PCDHA9: variants seen among roughly 807,000 people sequenced by gnomAD.
The protein encoded by PCDHA9 is protocadherin alpha 9.
PCDHA9 carries 62 observed loss-of-function variants against 62.0 expected under a neutral mutation model. The ratio of observed to expected loss-of-function variants is 1.00; its 90% CI spans 0.81 to 1.23. The LOEUF (loss-of-function observed/expected upper bound fraction) is 1.23, where lower values mean the gene tolerates loss of function less well. Among genes scored for constraint, PCDHA9 ranks in the 50% most tolerant of loss-of-function variants. The probability of loss-of-function intolerance (pLI) is 0.00; values close to 1 mark genes in which losing one functional copy is unlikely to be tolerated. For missense variants in PCDHA9, 1,205 were observed against 1,249.8 expected, an observed-to-expected ratio of 0.96 and a Z score of 0.54; for synonymous variants, 557 against 567.6, an observed-to-expected ratio of 0.98 and a Z score of 0.27.
At chr5:140,892,896 C>T (rs1489868294) in intron 1 of PCDHA9, among the ~76,000 whole-genome samples, 1 of 152,112 alleles carries the variant, frequency 6.6e-6, no homozygotes, top group Non-Finnish European at 1.5e-5. Flanking sequence ...CCAACCTTTC[C>T]CCATCCTCCT....
At chr5:140,968,190 C>A (rs782155295) in intron 1 of PCDHA9, 2 of 1,613,954 alleles carry the variant, frequency 1.2e-6, no homozygotes, top group African/African-American at 2.7e-5. Flanking sequence ...GACTCCTATT[C>A]CATCTACATA....
intron 1 of PCDHA9, chr5:140,883,793 T>C (rs782783912): frequency 6.2e-7 from 1 of 1,612,328 alleles, no homozygotes; most frequent in South Asian, 1.1e-5. Flanking sequence ...GAGCTACGTG[T>C]CGGTGCACGC....
chr5:140,928,372 G>T (rs782494631), intron 1 of PCDHA9: 5 of 1,614,136 alleles, frequency 3.1e-6, no homozygotes, highest in Non-Finnish European at 4.2e-6. Flanking sequence ...AGGGCCATCA[G>T]CCTCTAGCTT....
intron 1 of PCDHA9, among the ~76,000 whole-genome samples, chr5:140,922,043 C>T (rs1305034895): frequency 6.6e-6 from 1 of 152,068 alleles, no homozygotes; most frequent in East Asian, 1.9e-4. Flanking sequence ...AATTTTCCCA[C>T]ATACCTTCAA....
intron 1 of PCDHA9, chr5:140,875,985 G>C (rs1351463699): frequency 1.8e-5 from 29 of 1,613,832 alleles, no homozygotes; most frequent in Non-Finnish European, 2.3e-5. Context: ...TGACCTATGC[G>C]TTAAGTCTAA....
Position 140,848,523 on chromosome 5 carries a change from G to T in PCDHA9, c.28G>T (p.Glu10Ter), listed in dbSNP as rs1314273290. 2.8e-5 allele frequency: 45 copies of T among 1,593,246 alleles called. 8 individuals are homozygous for T. The highest frequency in any genetic ancestry group is 3.6e-5 in the Non-Finnish European group (42 of 1,164,214). MLYSSRGDP[E>*]GQPLLLSLLI... Reference sequence around the variant, plus strand: ...GTTATACTCAAGTCGAGGAGATCCAGAGGGTCAGCCTCTACTGCTCTCGCT... The same window carrying T: ...GTTATACTCAAGTCGAGGAGATCCATAGGGTCAGCCTCTACTGCTCTCGCT... Residue 10 changes from glutamate (E) to a stop codon, truncating the protein, a stop_gained, in exon 1 of 4, where the codon GAG becomes TAG. Transcript: ENST00000532602. LOFTEE classifies it high-confidence loss of function.
chr5:140,850,803 A>T lies in PCDHA9; in HGVS notation c.2308A>T (p.Met770Leu). The part of the protein sequence containing the change: ...SGEGKQKTDL[M>L]AFSPGLSPCA... ...CGAGGGTAAGCAGAAGACCGACCTCATGGCCTTCAGCCCGGGCCTTTCTCC... is the reference window on the plus strand; with the variant it reads ...CGAGGGTAAGCAGAAGACCGACCTCTTGGCCTTCAGCCCGGGCCTTTCTCC... Residue 770 changes from methionine to leucine, a missense_variant, in exon 1 of 4, where the codon ATG becomes TTG. Around this residue, in one of 3 missense-constraint regions of PCDHA9, gnomAD observed 887 missense variants for 809.5 expected, o/e 1.10. Transcript: ENST00000532602. 1 of 1,598,380 alleles carries T rather than the reference A, an allele frequency of 6.3e-7. No homozygotes were observed. Among genetic ancestry groups the T allele is most frequent in the East Asian group, 2.2e-5 (1 of 44,854 alleles).
At chr5:140,870,605 G>A (rs1445292626) in intron 1 of PCDHA9, 2 of 1,613,248 alleles carry the variant, frequency 1.2e-6, no homozygotes, top group Non-Finnish European at 1.7e-6. Flanking sequence ...TTGGGCGACC[G>A]CGCGCTGTCG....
At chr5:140,905,842 T>C (rs2072141061) in intron 1 of PCDHA9, among the ~76,000 whole-genome samples, 1 of 152,148 alleles carries the variant, frequency 6.6e-6, no homozygotes, top group Non-Finnish European at 1.5e-5. Flanking sequence ...GGGGAGTTTA[T>C]TAAGGAGTAT....
At chr5:140,929,721 ATTTAC>A in intron 1 of PCDHA9, 2 of 222,496 alleles carry the variant, frequency 9.0e-6, no homozygotes, top group Non-Finnish European at 9.4e-6. Context: ...AAGGTGAAAC[ATTTAC>A]TTAAACTATT....
chr5:140,849,805 C>T lies in PCDHA9; in HGVS notation c.1310C>T (p.Ala437Val). 6.3e-7 allele frequency: 1 copy of T among 1,598,382 alleles called. No individual in the cohort carries two copies. The highest frequency in any genetic ancestry group is 8.6e-7 in the Non-Finnish European group (1 of 1,167,910). ...GACGGGGGCTCGCCTTCACTGTGGG[C>T]CACGGCCAGGGTGTCTGTGGAGGTG... is the stretch of plus-strand genomic sequence containing the variant. ...ARDGGSPSLW[A>V]TARVSVEVAD... is the part of the protein sequence containing the mutation. Residue 437 changes from alanine to valine, a missense_variant, in exon 1 of 4, where the codon GCC becomes GTC. Transcript: ENST00000532602.
intron 1 of PCDHA9, among the ~76,000 whole-genome samples, chr5:140,940,295 G>A (rs1363509137): frequency 5.3e-5 from 8 of 152,110 alleles, no homozygotes; most frequent in Non-Finnish European, 1.0e-4. Flanking sequence ...TGCTTCATCA[G>A]TAATTTATTA....
At chr5:140,869,892 A>C in intron 1 of PCDHA9, 2 of 1,610,608 alleles carry the variant, frequency 1.2e-6, no homozygotes, top group Non-Finnish European at 1.7e-6. Context: ...TTGTGCTCAA[A>C]CTAAACGCCA....
At chr5:140,968,598 A>G in intron 1 of PCDHA9, 2 of 1,614,102 alleles carry the variant, frequency 1.2e-6, no homozygotes, top group Non-Finnish European at 1.7e-6. Flanking sequence ...ATAGCTATGG[A>G]CTCAGACTCT....
intron 1 of PCDHA9, among the ~76,000 whole-genome samples, chr5:140,908,711 T>A (rs951399125): frequency 6.6e-6 from 1 of 152,144 alleles, no homozygotes; most frequent in African/African-American, 2.4e-5. Flanking sequence ...CACCATTGGA[T>A]CTGCTGGGTC....
chr5:140,993,463 CACACACACACACACA>C (rs2097564014), intron 3 of PCDHA9, among the ~76,000 whole-genome samples: 3 of 7,580 alleles, frequency 4.0e-4, no homozygotes, highest in African/African-American at 2.0e-3. Context: ...CTTTCTTTCT[CACACACACACACACA>C]CACACACACA....
chr5:140,856,169 G>C lies in PCDHA9; in HGVS notation c.2394+5280G>C, dbSNP rs200441286. ...CTCAGTCTACGAGGAGGCCAGACAC[G>C]GCACCTTCGTGGGCCGCATCGCGCA... On this transcript the variant is annotated intron_variant, in intron 1 of 3. Coordinates refer to ENST00000532602, the MANE Select transcript of PCDHA9 (RefSeq NM_031857.2). 4 of 1,598,346 alleles carry C rather than the reference G, an allele frequency of 2.5e-6. 1 individual carries two copies. Among genetic ancestry groups the C allele is most frequent in the Non-Finnish European group, 3.4e-6 (4 of 1,167,908 alleles).
intron 1 of PCDHA9, chr5:140,861,317 C>T (rs1369177112): frequency 4.6e-6 from 1 of 217,818 alleles, no homozygotes; most frequent in Admixed American, 5.2e-5. Context: ...GGACCAGTTC[C>T]ACTACACCAT....
chr5:140,877,850 A>C (rs782804856), intron 1 of PCDHA9: 1 of 1,546,004 alleles, frequency 6.5e-7, no homozygotes, highest in South Asian at 1.3e-5. Context: ...GTAAGTTATT[A>C]ATATTATTTA....
Sources: allele counts gnomAD v4.1 joint callset (sites outside exome capture counted in the v4.1 genomes callset), GRCh38; gene constraint gnomAD v4.1.1; regional missense constraint gnomAD v4.1.1; transcripts MANE v1.5; gene names NCBI Gene and HGNC (gene_info 2026-07-23, HGNC 2026-07-21).